Variants in FYN observed in about 807,000 individuals in gnomAD.
FYN encodes FYN proto-oncogene, Src family tyrosine kinase.
A neutral mutation model predicts 70.2 loss-of-function variants in FYN; 10 were observed. The observed-to-expected ratio is 0.14, with a 90% CI of 0.09 to 0.24. The LOEUF (loss-of-function observed/expected upper bound fraction) is 0.24. Among genes scored for constraint, FYN ranks in the 10% least tolerant of loss-of-function variants. FYN has a pLI of 1.00. For synonymous variants in FYN, 236 were observed against 248.6 expected, an observed-to-expected ratio of 0.95 and a Z score of 0.48; for missense variants, 319 against 673.1, an observed-to-expected ratio of 0.47 and a Z score of 5.82.
At chr6:111,786,968 C>T (rs1316131874) in intron 2 of FYN, among the ~76,000 whole-genome samples, 2 of 152,218 alleles carry the variant, frequency 1.3e-5, no homozygotes, top group Admixed American at 6.5e-5. Context: ...GATATTAGCC[C>T]TTTGTCAGAT....
chr6:111,664,218 G>A (rs1314350667), intron 13 of FYN, among the ~76,000 whole-genome samples: 3 of 152,138 alleles, frequency 2.0e-5, no homozygotes, highest in Non-Finnish European at 4.4e-5. Context: ...TGGACCAGCA[G>A]AAATCTCCCT....
intron 3 of FYN, among the ~76,000 whole-genome samples, chr6:111,735,721 ATC>A (rs1415375753): frequency 6.6e-6 from 1 of 152,178 alleles, no homozygotes; most frequent in Non-Finnish European, 1.5e-5. Context: ...ACAGGGAGGT[ATC>A]TAAGTAAGCT....
intron 3 of FYN, among the ~76,000 whole-genome samples, chr6:111,779,588 C>G (rs563060828): frequency 2.0e-5 from 3 of 152,252 alleles, no homozygotes; most frequent in Non-Finnish European, 4.4e-5. Flanking sequence ...TTTAGCCAAG[C>G]TTGTCTAAGA....
chr6:111,867,841 A>G (rs1774159171), intron 1 of FYN, among the ~76,000 whole-genome samples: 1 of 152,170 alleles, frequency 6.6e-6, no homozygotes, highest in African/African-American at 2.4e-5. Context: ...ATCACATCAA[A>G]GCCACATCTC....
intron 2 of FYN, among the ~76,000 whole-genome samples, chr6:111,790,277 C>CGT (rs1771566141): frequency 6.6e-6 from 1 of 151,394 alleles, no homozygotes; most frequent in African/African-American, 2.4e-5. Context: ...CACACACACA[C>CGT]ACACACACAC....
chr6:111,846,927 CACACAA>C (rs565554790), intron 1 of FYN, among the ~76,000 whole-genome samples: 287 of 152,306 alleles, frequency 1.9e-3, no homozygotes, highest in African/African-American at 5.2e-3. Flanking sequence ...TACACACACA[CACACAA>C]ACACAAACAC....
chr6:111,743,409 T>G (rs1802070242), intron 3 of FYN, among the ~76,000 whole-genome samples: 1 of 152,228 alleles, frequency 6.6e-6, no homozygotes, highest in East Asian at 1.9e-4. Context: ...CTGAGGCAGC[T>G]GTATAAATGG....
chr6:111,825,417 C>A (rs774273541), intron 2 of FYN, among the ~76,000 whole-genome samples: 7 of 152,182 alleles, frequency 4.6e-5, no homozygotes, highest in Non-Finnish European at 1.0e-4. Flanking sequence ...GGCTCAAATC[C>A]TAGCATTTTC....
chr6:111,733,812 G>A (rs573245909), intron 3 of FYN, among the ~76,000 whole-genome samples: 130 of 152,356 alleles, frequency 8.5e-4, no homozygotes, highest in African/African-American at 3.0e-3. Flanking sequence ...TCCAAGCCAG[G>A]CACGGTGGCT....
intron 2 of FYN, among the ~76,000 whole-genome samples, chr6:111,845,902 A>T (rs545463590): frequency 6.6e-6 from 1 of 152,320 alleles, no homozygotes; most frequent in South Asian, 2.1e-4. Context: ...GAAAGAATGC[A>T]TTCACAGCTC....
chr6:111,801,536 C>A (rs1771984536), intron 2 of FYN, among the ~76,000 whole-genome samples: 1 of 152,148 alleles, frequency 6.6e-6, no homozygotes, highest in East Asian at 1.9e-4. Context: ...TGCTGGAATA[C>A]CAAAATTCAA....
At chr6:111,800,540 T>C (rs1227408176) in intron 2 of FYN, among the ~76,000 whole-genome samples, 1 of 152,162 alleles carries the variant, frequency 6.6e-6, no homozygotes, top group Non-Finnish European at 1.5e-5. Flanking sequence ...TTTACTATGA[T>C]CTAAAACGGG....
intron 2 of FYN, among the ~76,000 whole-genome samples, chr6:111,811,404 C>T (rs1021240175): frequency 3.3e-5 from 5 of 152,304 alleles, no homozygotes; most frequent in South Asian, 4.1e-4. Flanking sequence ...AATGTAAGTA[C>T]TGCAAACACT....
At chr6:111,733,007 T>C (rs1392637489) in intron 3 of FYN, among the ~76,000 whole-genome samples, 1 of 152,124 alleles carries the variant, frequency 6.6e-6, no homozygotes, top group African/African-American at 2.4e-5. Context: ...ATCTTTGTTA[T>C]AACAGGGAGT....
chr6:111,830,190 C>T (rs752642610), intron 2 of FYN, among the ~76,000 whole-genome samples: 1 of 152,136 alleles, frequency 6.6e-6, no homozygotes, highest in Non-Finnish European at 1.5e-5. Context: ...ACTTAATACA[C>T]AGAAAATGTG....
At chr6:111,870,721 G>A (rs1231162746) in intron 1 of FYN, among the ~76,000 whole-genome samples, 14 of 152,222 alleles carry the variant, frequency 9.2e-5, no homozygotes, top group Admixed American at 9.2e-4. Flanking sequence ...CAGAGGAGAT[G>A]ACATTTGAGC....
intron 2 of FYN, among the ~76,000 whole-genome samples, chr6:111,839,356 A>G (rs1217426946): frequency 6.6e-6 from 1 of 152,102 alleles, no homozygotes; most frequent in Non-Finnish European, 1.5e-5. Context: ...CAGATCTCCT[A>G]TGTAGCATGG....
intron 3 of FYN, among the ~76,000 whole-genome samples, chr6:111,755,824 G>A (rs1802706460): frequency 6.6e-6 from 1 of 152,030 alleles, no homozygotes; most frequent in Admixed American, 6.5e-5. Flanking sequence ...TCTTATAACT[G>A]AGTGATGATA....
At chr6:111,762,589 G>C (rs1803051891) in intron 3 of FYN, among the ~76,000 whole-genome samples, 2 of 152,104 alleles carry the variant, frequency 1.3e-5, no homozygotes, top group Non-Finnish European at 2.9e-5. Flanking sequence ...AACATCACAT[G>C]ACAGATAACA....
Sources: allele counts gnomAD v4.1 joint callset (sites outside exome capture counted in the v4.1 genomes callset), GRCh38; gene constraint gnomAD v4.1.1; transcripts MANE v1.5; gene names NCBI Gene and HGNC (gene_info 2026-07-23, HGNC 2026-07-21).